NFASC: variants seen among roughly 807,000 people sequenced by gnomAD.
NFASC encodes neurofascin homolog.
In NFASC, 43 loss-of-function variants were observed where a neutral mutation model predicts 147.5. The ratio of observed to expected loss-of-function variants is 0.29; its 90% CI spans 0.23 to 0.38. The LOEUF (loss-of-function observed/expected upper bound fraction) is 0.38. Ranked by LOEUF, NFASC falls within the 10% of genes least tolerant of loss-of-function variation. NFASC has a pLI of 1.00. For missense variants in NFASC, 1,320 were observed against 1,689.0 expected (o/e 0.78, Z 3.83); for synonymous variants, 622 against 665.5 (o/e 0.93, Z 1.01).
intron 2 of NFASC, among the ~76,000 whole-genome samples, chr1:204,938,714 A>G (rs1399804716): frequency 6.6e-6 from 1 of 152,200 alleles, no homozygotes; most frequent in Non-Finnish European, 1.5e-5. Context: ...ATCACTCACA[A>G]GCCTTGCAGA....
chr1:204,976,828 G>A, intron 16 of NFASC, 33 bp downstream of exon 16: 1 of 1,593,520 alleles, frequency 6.3e-7, no homozygotes, highest in East Asian at 2.3e-5. Flanking sequence ...GCACTGACCA[G>A]CCCCACCCCC....
rs1052110129 is a variant in NFASC, at chr1:205,021,652, A to T, written c.*5113A>T. 6.5e-6 allele frequency: 1 copy of T among 153,504 alleles called. No individual in the cohort carries two copies. The highest frequency in any genetic ancestry group is 1.5e-5 in the Non-Finnish European group (1 of 68,050). The allele number at this position is 153,504 out of a possible 1,614,324, so 9.5% of individuals were successfully genotyped here. A position where few individuals can be genotyped will look rare whatever the true frequency, so the allele number is the denominator to read the frequency against. ...CTCCTTGTCCAGTCAGTGTTCTTTCATCTCACCACAGCTGCCTCCTTTGAA... is the reference window on the plus strand; with the variant it reads ...CTCCTTGTCCAGTCAGTGTTCTTTCTTCTCACCACAGCTGCCTCCTTTGAA... On this transcript the variant is annotated 3_prime_UTR_variant, in exon 30 of 30. Transcript: ENST00000339876.
chr1:204,886,628 A>G (rs1335859551), intron 1 of NFASC, among the ~76,000 whole-genome samples: 2 of 152,186 alleles, frequency 1.3e-5, no homozygotes, highest in Non-Finnish European at 2.9e-5. Context: ...CTGCAGGACC[A>G]CAAGTTGAAA....
chr1:204,865,189 C>T (rs2077012289), intron 1 of NFASC, among the ~76,000 whole-genome samples: 1 of 152,164 alleles, frequency 6.6e-6, no homozygotes, highest in East Asian at 1.9e-4. Context: ...TAGTACTGAA[C>T]CCCATATATA....
rs1558497086 is a variant in NFASC at position 205,017,542 on chromosome 1, C to CCCTGTCCAGAGTAGAGGGCA, written c.*1012_*1031dup. 1.3e-5 allele frequency: 2 copies of CCCTGTCCAGAGTAGAGGGCA among 152,706 alleles called. No homozygotes were observed. Among genetic ancestry groups the CCCTGTCCAGAGTAGAGGGCA allele is most frequent in the Non-Finnish European group, 2.9e-5 (2 of 68,078 alleles). The allele number at this position is 152,706 out of a possible 1,614,324, so 9.5% of individuals were successfully genotyped here. A position where few individuals can be genotyped will look rare whatever the true frequency, so the allele number is the denominator to read the frequency against. ...GGATGTAGATAGAGGGCCACACCCACCCTGTCCAGAGTAGAGGGCACCTGT... is the reference window on the plus strand; with the variant it reads ...GGATGTAGATAGAGGGCCACACCCACCCTGTCCAGAGTAGAGGGCACCTGTCCAGAGTAGAGGGCACCTGT... On this transcript the variant is annotated 3_prime_UTR_variant, in exon 30 of 30. Coordinates refer to ENST00000339876, the MANE Select transcript of NFASC (RefSeq NM_001005388.3).
chr1:205,012,590 G>A (rs1356332242), intron 28 of NFASC, among the ~76,000 whole-genome samples: 1 of 152,058 alleles, frequency 6.6e-6, no homozygotes, highest in Non-Finnish European at 1.5e-5. Context: ...GAGACCCCTG[G>A]GGCTGAGAAG....
At chr1:204,842,462 C>A (rs1462385301) in intron 1 of NFASC, among the ~76,000 whole-genome samples, 1 of 150,356 alleles carries the variant, frequency 6.7e-6, no homozygotes, top group African/African-American at 2.5e-5. Context: ...TTTGAGTGTC[C>A]CTAGAGCTTT....
rs2094332210 is a variant in NFASC at position 204,954,568 on chromosome 1, AGTT to A, written c.412+190_412+192del. On this transcript the variant is annotated intron_variant, in intron 6 of 29. Transcript: ENST00000339876. The surrounding 1 kb of genome is among the most constrained non-coding windows in gnomAD (Gnocchi z 5.7). ...GGAAGCTCCCAAAGCTTCCTTTTGAAGTTGTTGTCTGCAACAATTTCACTGGCC... is the reference window on the plus strand; with the variant it reads ...GGAAGCTCCCAAAGCTTCCTTTTGAAGTTGTCTGCAACAATTTCACTGGCC... Among the ~76,000 whole-genome samples the A allele has an allele frequency of 6.6e-6, 1 of 152,180 alleles. No individual in the cohort carries two copies. The highest frequency in any genetic ancestry group is 2.4e-5 in the African/African-American group (1 of 41,450).
At chr1:204,938,758 G>A (rs1176961968) in intron 2 of NFASC, among the ~76,000 whole-genome samples, 2 of 152,210 alleles carry the variant, frequency 1.3e-5, no homozygotes, top group African/African-American at 4.8e-5. Context: ...GGTTGCCCAT[G>A]TGTGTGGACC....
chr1:204,920,145 T>C (rs1478033214), intron 1 of NFASC, among the ~76,000 whole-genome samples: 1 of 152,210 alleles, frequency 6.6e-6, no homozygotes, highest in African/African-American at 2.4e-5. Context: ...AATTTGCATC[T>C]CCTGACCCTA....
At chr1:204,976,436 C>T (rs1238686326) in intron 15 of NFASC, among the ~76,000 whole-genome samples, 1 of 152,218 alleles carries the variant, frequency 6.6e-6, no homozygotes, top group Non-Finnish European at 1.5e-5. Context: ...GGCAAACGTG[C>T]TTCACAGCCA....
chr1:204,964,916 A>G lies in NFASC; in HGVS notation c.707-3333A>G, dbSNP rs544903507. On this transcript the variant is annotated intron_variant, in intron 8 of 29. Transcript: ENST00000339876. ...TCCTCAAAAGAGATGATCAAGAGGC[A>G]TTTATCGTTGGACCTTTAAGGCCAA... 2.0e-5 allele frequency among the ~76,000 whole-genome samples: 3 copies of G among 152,336 alleles called. No homozygotes were observed. In the South Asian group the frequency reaches 6.2e-4, roughly 32 times the overall value.
chr1:204,943,293 T>C (rs1368344627), intron 2 of NFASC, among the ~76,000 whole-genome samples: 1 of 152,224 alleles, frequency 6.6e-6, no homozygotes, highest in Non-Finnish European at 1.5e-5. Flanking sequence ...AGGCCATTCT[T>C]GCTCTTCTCT....
chr1:204,976,094 A>G (rs1392476778), intron 15 of NFASC, among the ~76,000 whole-genome samples: 1 of 152,116 alleles, frequency 6.6e-6, no homozygotes, highest in African/African-American at 2.4e-5. Context: ...TGGACACGGT[A>G]CCAGCGGTTT....
intron 2 of NFASC, among the ~76,000 whole-genome samples, chr1:204,937,214 C>T (rs2092936545): frequency 1.3e-5 from 2 of 152,018 alleles, no homozygotes; most frequent in Admixed American, 1.3e-4. Context: ...CCCATGCACC[C>T]CATCTTCACA....
At chr1:204,988,109 C>T (rs1035429382) in intron 22 of NFASC, among the ~76,000 whole-genome samples, 1 of 152,206 alleles carries the variant, frequency 6.6e-6, no homozygotes, top group Non-Finnish European at 1.5e-5. Context: ...AAGTAGGTAA[C>T]GTACCTCGTT....
chr1:204,977,941 C>T (rs1281223924), intron 17 of NFASC, among the ~76,000 whole-genome samples: 1 of 152,218 alleles, frequency 6.6e-6, no homozygotes, highest in Non-Finnish European at 1.5e-5. Flanking sequence ...CTCGGAAGTT[C>T]TCGGCTGCTG....
intron 1 of NFASC, among the ~76,000 whole-genome samples, chr1:204,834,044 T>G (rs1159075305): frequency 6.6e-6 from 1 of 152,132 alleles, no homozygotes; most frequent in Non-Finnish European, 1.5e-5. Context: ...TGGCAGAATT[T>G]GGATATGCAA....
At chr1:204,894,540 C>G (rs2083028832) in intron 1 of NFASC, among the ~76,000 whole-genome samples, 1 of 152,166 alleles carries the variant, frequency 6.6e-6, no homozygotes, top group South Asian at 2.1e-4. Context: ...TGAGTAGATC[C>G]TTCTGCCTAC....
Sources: gnomAD v4.1 joint callset for allele counts (sites outside exome capture counted in the v4.1 genomes callset) on GRCh38, gnomAD v4.1.1 for gene constraint, Gnocchi (gnomAD v3.1) non-coding constraint, MANE v1.5 for transcripts, NCBI Gene and HGNC (gene_info 2026-07-23, HGNC 2026-07-21) for gene names.